Variants in SH2D4A observed in about 807,000 individuals in gnomAD.
The protein encoded by SH2D4A is SH2 domain-containing protein 4A.
A neutral mutation model predicts 64.7 loss-of-function variants in SH2D4A; 70 were observed. The observed-to-expected ratio is 1.08, with a 90% CI of 0.89 to 1.32. The LOEUF (loss-of-function observed/expected upper bound fraction) is 1.32. Ranked by LOEUF, SH2D4A falls within the 40% of genes most tolerant of loss-of-function variation. The pLI, the probability that SH2D4A is intolerant of heterozygous loss-of-function variation, is 0.00. For synonymous variants in SH2D4A, 268 were observed against 200.7 expected (o/e 1.34, Z -2.83); for missense variants, 706 against 540.1 (o/e 1.31, Z -3.04).
chr8:19,373,410 A>G (rs2053137483), intron 7 of SH2D4A, 120 bp from the exon 8 acceptor site: 6 of 561,876 alleles, frequency 1.1e-5, no homozygotes, highest in Non-Finnish European at 1.6e-5. Flanking sequence ...ACAGACATGC[A>G]TGTATATATA....
At position 19,364,094 on chromosome 8, in the gene SH2D4A, T is replaced by G; in HGVS notation, c.729T>G (p.Asp243Glu). The G allele has an allele frequency of 6.2e-7, 1 of 1,613,938 alleles. No homozygotes were observed. Among genetic ancestry groups the G allele is most frequent in the Non-Finnish European group, 8.5e-7 (1 of 1,179,892 alleles). The change falls in exon 7 of 10, where the codon GAT becomes GAG. Residue 243 changes from aspartate to glutamate, a missense_variant. Asp to Glu is a conservative substitution (Grantham distance 45, BLOSUM62 2). Transcript: ENST00000265807. ...QASLRKSKAA[D>E]EKRRSLAKQA... ...CAGTGCGAAAATCCAAAGCAGCTGATGAGAAGAGACGCTCCTTGGCTAAAC... is the reference window on the plus strand; with the variant it reads ...CAGTGCGAAAATCCAAAGCAGCTGAGGAGAAGAGACGCTCCTTGGCTAAAC...
At chr8:19,349,267 G>A (rs997252498) in intron 4 of SH2D4A, among the ~76,000 whole-genome samples, 3 of 152,158 alleles carry the variant, frequency 2.0e-5, no homozygotes, top group Non-Finnish European at 4.4e-5. Context: ...TAGTTTCTGT[G>A]TAACTGTAAT....
intron 8 of SH2D4A, among the ~76,000 whole-genome samples, chr8:19,392,371 A>G (rs1047301115): frequency 1.3e-5 from 2 of 152,148 alleles, no homozygotes; most frequent in African/African-American, 2.4e-5. Context: ...GGGAGTCTCA[A>G]TTTCAGCACT....
At chr8:19,317,581 G>A (rs1437636608) in intron 1 of SH2D4A, among the ~76,000 whole-genome samples, 1 of 152,150 alleles carries the variant, frequency 6.6e-6, no homozygotes, top group African/African-American at 2.4e-5. Context: ...CTCTGTGGTA[G>A]CCTAGCTGTT....
At chr8:19,391,413 G>A (rs929464347) in intron 8 of SH2D4A, among the ~76,000 whole-genome samples, 1 of 152,120 alleles carries the variant, frequency 6.6e-6, no homozygotes, top group Admixed American at 6.5e-5. Context: ...CAGGGAAGGG[G>A]TGGAAAAGCG....
chr8:19,386,131 G>T (rs1049604664), intron 8 of SH2D4A, among the ~76,000 whole-genome samples: 1 of 152,182 alleles, frequency 6.6e-6, no homozygotes, highest in Non-Finnish European at 1.5e-5. Flanking sequence ...CCCAGGCAGG[G>T]CTCCTTTTAG....
Position 19,319,326 on chromosome 8 carries a change from G to A in SH2D4A, c.-204-18G>A, listed in dbSNP as rs2052144550. ...CATTTTAACACGCTGCCTGAATGTG[G>A]GCTCTTTCTCTCTGCAGGTTCAGTG... On this transcript the variant is annotated intron_variant, in intron 1 of 9. Coordinates refer to ENST00000265807, the MANE Select transcript of SH2D4A (RefSeq NM_022071.4). 6.7e-6 allele frequency: 8 copies of A among 1,201,814 alleles called. No homozygotes were observed. Among genetic ancestry groups the A allele is most frequent in the Non-Finnish European group, 6.2e-6 (6 of 969,142 alleles). 74.4% of individuals were successfully genotyped at this position (1,201,814 alleles called of 1,614,324 possible).
chr8:19,383,939 T>C (rs1305058786), intron 8 of SH2D4A, among the ~76,000 whole-genome samples: 1 of 152,192 alleles, frequency 6.6e-6, no homozygotes, highest in Non-Finnish European at 1.5e-5. Context: ...TAGGGTTGTT[T>C]TTATAAAGTA....
intron 4 of SH2D4A, among the ~76,000 whole-genome samples, chr8:19,343,055 A>G (rs370699280): frequency 5.0e-4 from 76 of 152,200 alleles, no homozygotes; most frequent in African/African-American, 1.8e-3. Context: ...TTGTATTTGT[A>G]CTGCTGGACT....
chr8:19,333,361 A>G (rs2410609), intron 3 of SH2D4A, among the ~76,000 whole-genome samples: 45,675 of 151,942 alleles, frequency 0.3, 9,512 homozygotes, highest in African/African-American at 0.59. Flanking sequence ...CCTCATGAAA[A>G]TCTTTAGTGC....
chr8:19,330,161 A>G (rs987085686), intron 2 of SH2D4A, among the ~76,000 whole-genome samples: 5 of 152,170 alleles, frequency 3.3e-5, no homozygotes, highest in African/African-American at 1.2e-4. Context: ...AGAATGAACT[A>G]CTACGAAGGC....
intron 5 of SH2D4A, among the ~76,000 whole-genome samples, chr8:19,357,826 A>G (rs898819231): frequency 8.5e-5 from 13 of 152,132 alleles, no homozygotes; most frequent in Non-Finnish European, 1.6e-4. Flanking sequence ...AAATTGCTCA[A>G]AATAAATGAG....
At chr8:19,379,830 A>G (rs112482762) in intron 8 of SH2D4A, among the ~76,000 whole-genome samples, 7 of 152,188 alleles carry the variant, frequency 4.6e-5, no homozygotes, top group African/African-American at 1.7e-4. Flanking sequence ...TCAAACTCCT[A>G]GGCTCAAGTA....
At chr8:19,391,369 A>C (rs985378786) in intron 8 of SH2D4A, among the ~76,000 whole-genome samples, 3 of 152,074 alleles carry the variant, frequency 2.0e-5, no homozygotes, top group African/African-American at 7.2e-5. Flanking sequence ...TTCTGTGTCC[A>C]TGGTACCTAC....
At chr8:19,317,080 A>G (rs1330870320) in intron 1 of SH2D4A, among the ~76,000 whole-genome samples, 5 of 152,198 alleles carry the variant, frequency 3.3e-5, no homozygotes, top group African/African-American at 7.2e-5. Flanking sequence ...AATGGGGAAC[A>G]CAGCAGAAGT....
rs552609411 is a variant in SH2D4A at position 19,335,263 on chromosome 8, T to G, written c.513+406T>G. On this transcript the variant is annotated intron_variant, in intron 4 of 9. Coordinates refer to ENST00000265807, the MANE Select transcript of SH2D4A (RefSeq NM_022071.4). Reference sequence around the variant, plus strand: ...AGATTGCGACACTGCACTCCAGCACTCCAGCCTGGGCGACAGAGCGAGACT... The same window carrying G: ...AGATTGCGACACTGCACTCCAGCACGCCAGCCTGGGCGACAGAGCGAGACT... Among the ~76,000 whole-genome samples the G allele has an allele frequency of 2.0e-5, 3 of 151,638 alleles. No individual in the cohort carries two copies. The South Asian group carries it at 6.3e-4, about 32-fold the overall frequency.
At chr8:19,389,911 A>G (rs2053460051) in intron 8 of SH2D4A, among the ~76,000 whole-genome samples, 1 of 152,314 alleles carries the variant, frequency 6.6e-6, no homozygotes, top group South Asian at 2.1e-4. Context: ...TCTCTAGCAC[A>G]GAAATCCTCC....
chr8:19,337,520 A>G (rs1345015696), intron 4 of SH2D4A, among the ~76,000 whole-genome samples: 1 of 152,162 alleles, frequency 6.6e-6, no homozygotes, highest in African/African-American at 2.4e-5. Context: ...AAGTGTCCTT[A>G]TAAGAGGAGA....
intron 2 of SH2D4A, among the ~76,000 whole-genome samples, chr8:19,326,343 C>T (rs927863282): frequency 3.3e-5 from 5 of 152,122 alleles, no homozygotes; most frequent in South Asian, 2.1e-4. Flanking sequence ...TGAGGGGAAC[C>T]GGGGTGTCCC....
Sources: allele counts gnomAD v4.1 joint callset (sites outside exome capture counted in the v4.1 genomes callset), GRCh38; gene constraint gnomAD v4.1.1; transcripts MANE v1.5; gene names NCBI Gene and HGNC (gene_info 2026-07-23, HGNC 2026-07-21).